PLCXD1: variants seen among roughly 807,000 people sequenced by gnomAD.
PLCXD1 encodes phosphatidylinositol specific phospholipase C X domain containing 1.
A neutral mutation model predicts 37.8 loss-of-function variants in PLCXD1; 45 were observed. The observed-to-expected ratio is 1.19, with a 90% CI of 0.94 to 1.53. PLCXD1 has a LOEUF of 1.53. Ranked by LOEUF, PLCXD1 falls within the 40% of genes most tolerant of loss-of-function variation. The pLI, the probability that PLCXD1 is intolerant of heterozygous loss-of-function variation, is 0.00. For missense variants in PLCXD1, 539 were observed against 454.7 expected, an observed-to-expected ratio of 1.19 and a Z score of -1.69; for synonymous variants, 246 against 206.9, an observed-to-expected ratio of 1.19 and a Z score of -1.62.
At chrX:276,829 C>T (rs2069166396), upstream of PLCXD1, among the ~76,000 whole-genome samples, 1 of 152,134 alleles carries the variant, frequency 6.6e-6, no homozygotes, top group Admixed American at 6.5e-5. Context: ...CTGAGCACCC[C>T]TGTCCTTCCG....
chrX:294,266 A>AG (rs2069730266), intron 6 of PLCXD1, among the ~76,000 whole-genome samples: 1 of 151,922 alleles, frequency 6.6e-6, no homozygotes, highest in South Asian at 2.1e-4. Flanking sequence ...GCGGATCATG[A>AG]GGTCAGGAGA....
upstream of PLCXD1, among the ~76,000 whole-genome samples, chrX:278,113 C>G (rs1481253359): frequency 1.0e-5 from 1 of 99,988 alleles, no homozygotes; most frequent in African/African-American, 4.7e-5. Flanking sequence ...GACATGGGGA[C>G]AGGTGTGGGG....
chrX:294,869 C>T (rs898301474), intron 6 of PLCXD1, among the ~76,000 whole-genome samples: 31 of 151,708 alleles, frequency 2.0e-4, no homozygotes, highest in Admixed American at 9.2e-4. Flanking sequence ...CATTCCCAGC[C>T]GAGTTGTGCA....
At chrX:279,432 G>A (rs2069216095), upstream of PLCXD1, among the ~76,000 whole-genome samples, 2 of 152,168 alleles carry the variant, frequency 1.3e-5, no homozygotes, top group South Asian at 2.1e-4. Flanking sequence ...GGGCTTCCAG[G>A]TCATAAGGTA....
chrX:298,837 G>A (rs2069897637), intron 6 of PLCXD1, among the ~76,000 whole-genome samples: 1 of 145,910 alleles, frequency 6.9e-6, no homozygotes, highest in Non-Finnish European at 1.5e-5. Context: ...CCATTATTCT[G>A]TCTATCACAT....
chrX:284,548 G>A (rs1195131046), intron 2 of PLCXD1, among the ~76,000 whole-genome samples: 1 of 151,818 alleles, frequency 6.6e-6, no homozygotes, highest in East Asian at 1.9e-4. Flanking sequence ...ATACACACAG[G>A]CATGCACACA....
rs1214058814 is a variant in PLCXD1 at position 293,301 on chromosome X, C to T, written c.733+83C>T. The T allele has an allele frequency of 3.1e-5, 33 of 1,047,972 alleles. No individual in the cohort carries two copies. The Admixed American group carries it at 6.3e-4, about 20-fold the overall frequency. 64.9% of individuals were successfully genotyped at this position (1,047,972 alleles called of 1,614,324 possible). ...GCAGGCCGGGTCCACATGGACTTGC[C>T]TTCACTTTTACGTGAAAACAATTTA... On this transcript the variant is annotated intron_variant, in intron 6 of 6. Coordinates refer to ENST00000381657, the MANE Select transcript of PLCXD1 (RefSeq NM_018390.4).
chrX:291,530 AG>A lies in PLCXD1; in HGVS notation c.426del (p.Glu142AspfsTer18), dbSNP rs1158216421. On this transcript the variant is annotated frameshift_variant, in exon 5 of 7. Transcript: ENST00000381657. LOFTEE classifies it high-confidence loss of function. ...CTCACGGAAATCTCGGAGTGGCTGGAGCGGCATCCACGCGAGGTGGTCATCC... is the reference window on the plus strand; with the variant it reads ...CTCACGGAAATCTCGGAGTGGCTGGACGGCATCCACGCGAGGTGGTCATCC... ...DTLTEISEWL[E>X]RHPREVVILA... is the part of the protein sequence containing the mutation. The A allele has an allele frequency of 1.2e-6, 2 of 1,610,360 alleles. No individual in the cohort carries two copies. Among genetic ancestry groups the A allele is most frequent in the African/African-American group, 2.7e-5 (2 of 74,846 alleles).
chrX:285,444 GCA>G (rs1435822060), intron 2 of PLCXD1, among the ~76,000 whole-genome samples: 10 of 151,920 alleles, frequency 6.6e-5, no homozygotes, highest in African/African-American at 9.7e-5. Context: ...ACATGTACAT[GCA>G]CAGACACACG....
chrX:300,437 T>C lies in PLCXD1; in HGVS notation c.*1102T>C, dbSNP rs1266451557. 1 of 70,468 alleles carries C rather than the reference T, an allele frequency of 1.4e-5. No homozygotes were observed. The highest frequency in any genetic ancestry group is 2.7e-5 in the Non-Finnish European group (1 of 37,132). The allele number at this position is 70,468 out of a possible 1,614,324, so 4.4% of individuals were successfully genotyped here. A position where few individuals can be genotyped will look rare whatever the true frequency, so the allele number is the denominator to read the frequency against. ...ATGTGTATATATCGGTGTGTATATA[T>C]GTATGTATGTTTATACATGTGTATA... is the stretch of plus-strand genomic sequence containing the variant. On this transcript the variant is annotated 3_prime_UTR_variant, in exon 7 of 7. Transcript: ENST00000381657.
chrX:289,732 C>T (rs1220324000), intron 3 of PLCXD1, among the ~76,000 whole-genome samples: 13 of 147,526 alleles, frequency 8.8e-5, no homozygotes, highest in Non-Finnish European at 1.7e-4. Flanking sequence ...AGGATGGTCT[C>T]GAACTCCTGA....
At chrX:287,280 T>C (rs1434293110) in intron 2 of PLCXD1, among the ~76,000 whole-genome samples, 1 of 146,254 alleles carries the variant, frequency 6.8e-6, no homozygotes, top group African/African-American at 2.5e-5. Flanking sequence ...ATATATATCA[T>C]ATATTTATAT....
intron 1 of PLCXD1, among the ~76,000 whole-genome samples, chrX:282,462 T>C (rs2069301560): frequency 6.6e-6 from 1 of 151,752 alleles, no homozygotes; most frequent in Admixed American, 6.6e-5. Flanking sequence ...CCCAGCACTT[T>C]GGGAGGCCGA....
At position 299,355 on chromosome X, in the gene PLCXD1, G is replaced by A. The variant is rs1332007515; in HGVS notation, c.*20G>A. On this transcript the variant is annotated 3_prime_UTR_variant, in exon 7 of 7. Transcript: ENST00000381657. ...TGCTGACGGGACCCTTCTGAAGTTC[G>A]GGACGCGGCGGCTGCAGTTTCACCC... 2.6e-6 allele frequency: 4 copies of A among 1,551,722 alleles called. No homozygotes were observed. The highest frequency in any genetic ancestry group is 2.7e-5 in the African/African-American group (2 of 73,640).
At chrX:284,686 AC>A (rs1258823292) in intron 2 of PLCXD1, among the ~76,000 whole-genome samples, 2 of 152,058 alleles carry the variant, frequency 1.3e-5, no homozygotes, top group African/African-American at 4.8e-5. Context: ...CTGCACACAT[AC>A]GCATGTGCAT....
upstream of PLCXD1, among the ~76,000 whole-genome samples, chrX:278,577 A>G (rs2124283868): frequency 6.6e-6 from 1 of 152,088 alleles, no homozygotes; most frequent in East Asian, 1.9e-4. Context: ...TGTCTCTACT[A>G]AAAATACAGA....
upstream of PLCXD1, among the ~76,000 whole-genome samples, chrX:279,785 A>AAAG (rs1489901787): frequency 1.3e-5 from 2 of 152,040 alleles, no homozygotes; most frequent in African/African-American, 4.8e-5. Flanking sequence ...GAAAAAAAAA[A>AAAG]AAAGAAGAAA....
intron 6 of PLCXD1, among the ~76,000 whole-genome samples, chrX:294,980 A>G (rs912189256): frequency 6.6e-6 from 1 of 151,986 alleles, no homozygotes; most frequent in African/African-American, 2.4e-5. Flanking sequence ...GTTTGCGACC[A>G]GTCTGGTGAA....
rs942147945 is a variant in PLCXD1 at position 282,944 on chromosome X, ATTAT to A, written c.-21-1222_-21-1219del. The stretch of plus-strand genomic sequence containing the variant: ...TGTTATACATGTATGTTATATATAT[ATTAT>A]ATATATATTATATATGTATATATTA... On this transcript the variant is annotated intron_variant, in intron 1 of 6. Transcript: ENST00000381657. Among the ~76,000 whole-genome samples the A allele has an allele frequency of 1.2e-4, 10 of 86,134 alleles. No individual in the cohort carries two copies. In the East Asian group the frequency reaches 1.9e-3, roughly 16 times the overall value. The allele number at this position is 86,134 out of a possible 152,430, so 56.5% of individuals were successfully genotyped here.
Sources: allele counts gnomAD v4.1 joint callset (sites outside exome capture counted in the v4.1 genomes callset), GRCh38; gene constraint gnomAD v4.1.1; transcripts MANE v1.5; gene names NCBI Gene and HGNC (gene_info 2026-07-23, HGNC 2026-07-21).